KCNK13: variants seen among roughly 807,000 people sequenced by gnomAD.
KCNK13 encodes the protein potassium two pore domain channel subfamily K member 13.
KCNK13 carries 12 observed loss-of-function variants against 23.4 expected under a neutral mutation model. That is an observed-to-expected ratio of 0.51 (90% CI 0.33 to 0.83). The LOEUF (loss-of-function observed/expected upper bound fraction) is 0.83. Among genes scored for constraint, KCNK13 ranks in the 40% least tolerant of loss-of-function variants. KCNK13 has a pLI of 0.02. For synonymous variants in KCNK13, 231 were observed against 229.5 expected, an observed-to-expected ratio of 1.01 and a Z score of -0.06; for missense variants, 463 against 556.3, an observed-to-expected ratio of 0.83 and a Z score of 1.69.
At chr14:90,065,416 G>A (rs553389859) in intron 1 of KCNK13, among the ~76,000 whole-genome samples, 1 of 152,332 alleles carries the variant, frequency 6.6e-6, no homozygotes, top group East Asian at 1.9e-4. Context: ...TAGAAGCAGA[G>A]CTTGAGCCAA....
intron 1 of KCNK13, among the ~76,000 whole-genome samples, chr14:90,153,073 T>C (rs1890154966): frequency 6.6e-6 from 1 of 152,180 alleles, no homozygotes; most frequent in Admixed American, 6.5e-5. Flanking sequence ...TGAGCCTGCA[T>C]TGTTTCTCCT....
chr14:90,093,785 C>A (rs538089455), intron 1 of KCNK13, among the ~76,000 whole-genome samples: 1 of 152,284 alleles, frequency 6.6e-6, no homozygotes, highest in East Asian at 1.9e-4. Context: ...TTTCCTTGTT[C>A]ATGGGTGGAG....
chr14:90,110,305 A>G (rs1889599656), intron 1 of KCNK13, among the ~76,000 whole-genome samples: 1 of 151,990 alleles, frequency 6.6e-6, no homozygotes, highest in African/African-American at 2.4e-5. Context: ...TGAGGTCAGA[A>G]GTTCGAGACC....
intron 1 of KCNK13, among the ~76,000 whole-genome samples, chr14:90,132,480 G>T (rs1444519616): frequency 8.1e-6 from 1 of 123,374 alleles, no homozygotes; most frequent in Non-Finnish European, 1.8e-5. Context: ...GGAGGCAGAG[G>T]TTGCAGTGAG....
At position 90,184,427 on chromosome 14, in the gene KCNK13, C is replaced by T. The variant is rs566519085; in HGVS notation, c.651C>T (p.Thr217=). 9.3e-6 allele frequency: 15 copies of T among 1,614,100 alleles called. No homozygotes were observed. The highest frequency in any genetic ancestry group is 7.7e-5 in the South Asian group (7 of 91,092). The change falls in exon 2 of 2, where the codon ACC becomes ACT. Residue 217 remains threonine (T), a synonymous_variant. Coordinates refer to ENST00000282146, the MANE Select transcript of KCNK13 (RefSeq NM_022054.4). This position sits in a 1 kb window ranked among gnomAD's most constrained non-coding sequence, Gnocchi z 5.6. ...CTTGCTGCGCCTCAGCCATGTACACCCCCATTGAAGGCTGGAGCTACTTTG... is the reference window on the plus strand; with the variant it reads ...CTTGCTGCGCCTCAGCCATGTACACTCCCATTGAAGGCTGGAGCTACTTTG... ...LISCCASAMY[T]PIEGWSYFDS... is the part of the protein sequence containing the mutation.
At position 90,071,747 on chromosome 14, in the gene KCNK13, A is replaced by G. The variant is rs374608503; in HGVS notation, c.334+9208A>G. ...CCCTGTCTCTACTAAAAATACAAAA[A>G]ATTAGCTGGGTGTGGTTATGCACGC... On this transcript the variant is annotated intron_variant, in intron 1 of 1. Coordinates refer to ENST00000282146, the MANE Select transcript of KCNK13 (RefSeq NM_022054.4). 6.6e-5 allele frequency among the ~76,000 whole-genome samples: 10 copies of G among 152,140 alleles called. No individual in the cohort carries two copies. The East Asian group carries it at 7.7e-4, about 12-fold the overall frequency.
At chr14:90,106,198 A>C (rs751443385) in intron 1 of KCNK13, among the ~76,000 whole-genome samples, 1 of 152,252 alleles carries the variant, frequency 6.6e-6, no homozygotes, top group Non-Finnish European at 1.5e-5. Context: ...AAGGCCTCAC[A>C]GTAAACACAG....
At chr14:90,104,737 C>G (rs913746671) in intron 1 of KCNK13, among the ~76,000 whole-genome samples, 1 of 149,866 alleles carries the variant, frequency 6.7e-6, no homozygotes, top group Non-Finnish European at 1.5e-5. Flanking sequence ...GGGTCCCTTT[C>G]CATATGAGGT....
intron 1 of KCNK13, among the ~76,000 whole-genome samples, chr14:90,076,321 T>C (rs910611088): frequency 6.6e-6 from 1 of 152,124 alleles, no homozygotes; most frequent in African/African-American, 2.4e-5. Flanking sequence ...ACCACCAGAG[T>C]CCCAGAACCT....
chr14:90,076,732 T>C (rs1889138990), intron 1 of KCNK13, among the ~76,000 whole-genome samples: 1 of 152,166 alleles, frequency 6.6e-6, no homozygotes, highest in South Asian at 2.1e-4. Context: ...TGTCTGAGCG[T>C]CTCTCTCTCT....
At chr14:90,177,988 G>C (rs922686440) in intron 1 of KCNK13, among the ~76,000 whole-genome samples, 2 of 152,116 alleles carry the variant, frequency 1.3e-5, no homozygotes, top group Non-Finnish European at 2.9e-5. Context: ...TGTCAGGCGT[G>C]ACTCATGCTG....
chr14:90,062,272 C>A lies in KCNK13; in HGVS notation c.67C>A (p.Leu23Met). The part of the protein sequence containing the change: ...LNEDNARFLL[L>M]AALIVLYLLG... ...CGAGGACAACGCGCGCTTTCTGCTG[C>A]TGGCCGCGCTCATCGTGCTCTACCT... Residue 23 changes from leucine to methionine, a missense_variant, in exon 1 of 2, where the codon CTG becomes ATG. Transcript: ENST00000282146. This position sits in a 1 kb window ranked among gnomAD's most constrained non-coding sequence, Gnocchi z 4.5. 6.5e-7 allele frequency: 1 copy of A among 1,536,178 alleles called. No homozygotes were observed. Among genetic ancestry groups the A allele is most frequent in the Admixed American group, 1.8e-5 (1 of 55,062 alleles).
chr14:90,105,519 A>G (rs1446913241), intron 1 of KCNK13, among the ~76,000 whole-genome samples: 2 of 152,208 alleles, frequency 1.3e-5, no homozygotes, highest in Non-Finnish European at 2.9e-5. Context: ...CATTCTGTGT[A>G]TGGAAACTAA....
intron 1 of KCNK13, among the ~76,000 whole-genome samples, chr14:90,086,309 A>G (rs547410016): frequency 4.6e-5 from 7 of 152,254 alleles, no homozygotes; most frequent in African/African-American, 1.4e-4. Flanking sequence ...CTTTCATCCT[A>G]TGGGGTAGGA....
At chr14:90,078,289 G>A (rs1412484143) in intron 1 of KCNK13, among the ~76,000 whole-genome samples, 3 of 151,878 alleles carry the variant, frequency 2.0e-5, no homozygotes, top group Non-Finnish European at 2.9e-5. Flanking sequence ...GCATGGTGGC[G>A]CACACCTGTA....
At position 90,184,184 on chromosome 14, in the gene KCNK13, C is replaced by T; in HGVS notation, c.408C>T (p.Ser136=). The T allele has an allele frequency of 1.2e-6, 2 of 1,614,198 alleles. No homozygotes were observed. Among genetic ancestry groups the T allele is most frequent in the Non-Finnish European group, 1.7e-6 (2 of 1,180,030 alleles). ...TCTTTTACGGCCTTGTTGGGTGTTC[C>T]AGCACCATCTTGTTCTTCAACCTCT... ...FLIFYGLVGC[S]STILFFNLFL... Residue 136 remains serine (S), a synonymous_variant, in exon 2 of 2, where the codon TCC becomes TCT. Transcript: ENST00000282146. This position sits in a 1 kb window ranked among gnomAD's most constrained non-coding sequence, Gnocchi z 5.6.
At chr14:90,127,648 T>TAA (rs11323596) in intron 1 of KCNK13, among the ~76,000 whole-genome samples, 1 of 137,890 alleles carries the variant, frequency 7.3e-6, no homozygotes, top group Non-Finnish European at 1.6e-5. Context: ...CCCCCAACTC[T>TAA]AAAAAAAAAA....
chr14:90,180,448 G>A (rs1890472147), intron 1 of KCNK13, among the ~76,000 whole-genome samples: 3 of 152,116 alleles, frequency 2.0e-5, no homozygotes, highest in African/African-American at 4.8e-5. Context: ...TCAGCGCTGA[G>A]AGTAGTAAAA....
At chr14:90,116,630 T>C (rs1889679919) in intron 1 of KCNK13, among the ~76,000 whole-genome samples, 2 of 152,254 alleles carry the variant, frequency 1.3e-5, no homozygotes, top group South Asian at 4.1e-4. Context: ...GACCGCTCAT[T>C]ACAACATAGC....
Sources: allele counts gnomAD v4.1 joint callset (sites outside exome capture counted in the v4.1 genomes callset), GRCh38; gene constraint gnomAD v4.1.1; non-coding constraint Gnocchi (gnomAD v3.1); transcripts MANE v1.5; gene names NCBI Gene and HGNC (gene_info 2026-07-23, HGNC 2026-07-21).